The following ASIC2 variants were observed in gnomAD, a reference collection of about 807,000 sequenced individuals.
ASIC2 encodes the protein acid sensing ion channel subunit 2, also known as acid-sensing ion channel 2.
In ASIC2, 25 loss-of-function variants were observed where a neutral mutation model predicts 57.3. The ratio of observed to expected loss-of-function variants is 0.44; its 90% confidence interval spans 0.32 to 0.61. The LOEUF is 0.61. Among genes scored for constraint, ASIC2 ranks in the 20% least tolerant of loss-of-function variants. The probability of loss-of-function intolerance (pLI) is 0.06; values close to 1 mark genes in which losing one functional copy is unlikely to be tolerated. For synonymous variants in ASIC2, 319 were observed against 307.5 expected (o/e 1.04, Z -0.39); for missense variants, 641 against 738.1 (o/e 0.87, Z 1.52).
In ASIC2 at chr17:33,683,708, AT is replaced by A. The variant is rs374066977; in HGVS notation, c.555+472269del. Among the ~76,000 whole-genome samples, 34 of 152,176 alleles carry A rather than the reference AT, an allele frequency of 2.2e-4. No individual in the cohort carries two copies. The East Asian group carries it at 5.6e-3, about 25-fold the overall frequency. ...AGGTGCATGCCACCAGGGCCAGGTA[AT>A]TTTTTTGTTTTTTACAGAGACAGGG... is the stretch of plus-strand genomic sequence containing the variant. On this transcript the variant is annotated intron_variant, in intron 1 of 9. Coordinates refer to the ASIC2 transcript ENST00000359872.
Position 33,243,489 on chromosome 17 carries a change from C to T in ASIC2, c.708+47919G>A, listed in dbSNP as rs2068586. On this transcript the variant is annotated intron_variant, in intron 1 of 9. Transcript: ENST00000225823. Reference sequence around the variant, plus strand: ...TGTGGGTAGAGAGGAAACCTGAGGCCGGTTCCCAGGGGAACTTGGAGCTTC... The same window carrying T: ...TGTGGGTAGAGAGGAAACCTGAGGCTGGTTCCCAGGGGAACTTGGAGCTTC... Among the ~76,000 whole-genome samples the T allele has an allele frequency of 4.9e-4, 74 of 152,154 alleles. 1 individual carries two copies. Among genetic ancestry groups the T allele is most frequent in the African/African-American group, 1.8e-3 (73 of 41,510 alleles).
At chr17:34,038,153 C>G in intron 1 of ASIC2, 2 of 1,612,904 alleles carry the variant, frequency 1.2e-6, no homozygotes, top group Non-Finnish European at 1.7e-6. Context: ...AAGAATATTA[C>G]CTGGTTTGAG....
intron 1 of ASIC2, among the ~76,000 whole-genome samples, chr17:33,935,056 C>A (rs1385836195): frequency 6.6e-6 from 1 of 152,238 alleles, no homozygotes; most frequent in African/African-American, 2.4e-5. Context: ...CCAGCACCAT[C>A]CCTGTGAGCC....
intron 1 of ASIC2, among the ~76,000 whole-genome samples, chr17:33,516,888 T>C (rs1665794175): frequency 6.6e-6 from 1 of 152,206 alleles, no homozygotes. Context: ...CAATAGACAA[T>C]GGACTGCCCT....
chr17:33,136,173 C>T (rs773061836), intron 1 of ASIC2, among the ~76,000 whole-genome samples: 1 of 152,144 alleles, frequency 6.6e-6, no homozygotes. Context: ...TGTCTGTGTG[C>T]ACTATTGTTT....
chr17:33,669,834 G>A (rs1182625954), intron 1 of ASIC2, among the ~76,000 whole-genome samples: 1 of 152,124 alleles, frequency 6.6e-6, no homozygotes, highest in Non-Finnish European at 1.5e-5. Flanking sequence ...TTGCCTGCCT[G>A]CCTGTTTAGA....
At chr17:33,383,016 C>T (rs1201886243) in intron 1 of ASIC2, among the ~76,000 whole-genome samples, 2 of 117,124 alleles carry the variant, frequency 1.7e-5, no homozygotes, top group East Asian at 5.3e-4. Flanking sequence ...AGAATGAGTT[C>T]AGGGAATATA....
chr17:34,110,762 A>G (rs956327235), intron 1 of ASIC2, among the ~76,000 whole-genome samples: 1 of 152,212 alleles, frequency 6.6e-6, no homozygotes, highest in Non-Finnish European at 1.5e-5. Context: ...CCCTGGGTTC[A>G]AGGGGATTTG....
intron 1 of ASIC2, among the ~76,000 whole-genome samples, chr17:33,977,278 AGGG>A (rs1266099134): frequency 1.3e-5 from 2 of 152,214 alleles, no homozygotes; most frequent in Non-Finnish European, 1.5e-5. Context: ...GGCTGACCAC[AGGG>A]GTAGTTGGAG....
At chr17:33,905,141 C>CTTTTTTTT (rs57064859) in intron 1 of ASIC2, among the ~76,000 whole-genome samples, 4 of 87,878 alleles carry the variant, frequency 4.6e-5, no homozygotes, top group East Asian at 4.0e-4. Flanking sequence ...TAGTTTAAGG[C>CTTTTTTTT]TTTTTTTTTT....
chr17:33,272,066 C>T (rs1300320804), intron 1 of ASIC2, among the ~76,000 whole-genome samples: 1 of 152,168 alleles, frequency 6.6e-6, no homozygotes, highest in African/African-American at 2.4e-5. Flanking sequence ...CACCTTGCCT[C>T]TAGGTCTTCC....
At chr17:33,242,722 A>C (rs1027396019) in intron 1 of ASIC2, among the ~76,000 whole-genome samples, 1 of 152,112 alleles carries the variant, frequency 6.6e-6, no homozygotes, top group Non-Finnish European at 1.5e-5. Context: ...TCCATAAAAC[A>C]CCTATTTTTC....
At chr17:34,099,158 GAGAGAGAAAGAAAGAAAGAAAGAA>G (rs1567820915) in intron 1 of ASIC2, among the ~76,000 whole-genome samples, 18 of 28,926 alleles carry the variant, frequency 6.2e-4, no homozygotes, top group Admixed American at 1.8e-3. Flanking sequence ...GAGAGAGAGA[GAGAGAGAAAGAAAGAAAGAAAGAA>G]AGAAAGAAAG....
At chr17:34,061,794 T>C (rs913184876) in intron 1 of ASIC2, among the ~76,000 whole-genome samples, 2 of 152,190 alleles carry the variant, frequency 1.3e-5, no homozygotes, top group African/African-American at 4.8e-5. Flanking sequence ...CATTATATAA[T>C]GGTAAAAGGC....
upstream of ASIC2, among the ~76,000 whole-genome samples, chr17:33,296,661 G>A (rs923832416): frequency 1.3e-5 from 2 of 151,928 alleles, no homozygotes; most frequent in Non-Finnish European, 2.9e-5. Context: ...CTCATTCTGG[G>A]GTATAACCAC....
chr17:33,222,732 C>G (rs1423030548), intron 1 of ASIC2, among the ~76,000 whole-genome samples: 1 of 152,162 alleles, frequency 6.6e-6, no homozygotes, highest in African/African-American at 2.4e-5. Context: ...GATTTGTAAT[C>G]TAGTCAATAT....
intron 1 of ASIC2, among the ~76,000 whole-genome samples, chr17:33,905,817 GT>G (rs1463078781): frequency 2.6e-5 from 4 of 152,030 alleles, no homozygotes; most frequent in Admixed American, 6.5e-5. Flanking sequence ...TTCTTTTTTT[GT>G]TTGTTTTTTT....
intron 1 of ASIC2, among the ~76,000 whole-genome samples, chr17:33,862,420 GAC>G (rs1391696019): frequency 6.6e-5 from 10 of 151,842 alleles, no homozygotes; most frequent in Non-Finnish European, 7.4e-5. Flanking sequence ...TATTTTAATT[GAC>G]ACATAATAAT....
intron 1 of ASIC2, among the ~76,000 whole-genome samples, chr17:33,215,145 C>G (rs1044560391): frequency 6.6e-6 from 1 of 152,204 alleles, no homozygotes; most frequent in African/African-American, 2.4e-5. Flanking sequence ...GTGAAATGAT[C>G]TCTCACCAGT....
Sources: allele counts gnomAD v4.1 joint callset (sites outside exome capture counted in the v4.1 genomes callset), GRCh38; gene constraint gnomAD v4.1.1; transcripts MANE v1.5; gene names NCBI Gene and HGNC (gene_info 2026-07-23, HGNC 2026-07-21).